GABRA2: variants seen among roughly 807,000 people sequenced by gnomAD.
GABRA2 encodes gamma-aminobutyric acid type A receptor subunit alpha2.
GABRA2 carries 16 observed loss-of-function variants against 48.7 expected under a neutral mutation model. That is an observed-to-expected ratio of 0.33 (90% CI 0.22 to 0.50). The LOEUF is 0.50. GABRA2 is among the 20% of genes least tolerant of loss of function. The probability of loss-of-function intolerance (pLI) is 0.98; values close to 1 mark genes in which losing one functional copy is unlikely to be tolerated. For synonymous variants in GABRA2, 185 were observed against 184.5 expected, an observed-to-expected ratio of 1.00 and a Z score of -0.02; for missense variants, 275 against 535.6, an observed-to-expected ratio of 0.51 and a Z score of 4.80.
chr4:46,266,692 T>G (rs1718304134), intron 8 of GABRA2, among the ~76,000 whole-genome samples: 2 of 151,318 alleles, frequency 1.3e-5, no homozygotes, highest in South Asian at 4.1e-4. Flanking sequence ...TTGAAAGGTT[T>G]TAGCCACCAT....
intron 3 of GABRA2, among the ~76,000 whole-genome samples, chr4:46,342,918 C>T (rs1240150993): frequency 6.6e-6 from 1 of 151,990 alleles, no homozygotes; most frequent in Non-Finnish European, 1.5e-5. Flanking sequence ...CCACCTTGGC[C>T]TCCAAAAGTG....
intron 8 of GABRA2, among the ~76,000 whole-genome samples, chr4:46,301,502 T>C (rs1725728303): frequency 6.6e-6 from 1 of 152,176 alleles, no homozygotes; most frequent in Non-Finnish European, 1.5e-5. Context: ...CTATTTTCTA[T>C]CTATGTCTCC....
At chr4:46,373,464 G>T (rs1174919580) in intron 3 of GABRA2, among the ~76,000 whole-genome samples, 1 of 152,050 alleles carries the variant, frequency 6.6e-6, no homozygotes, top group Non-Finnish European at 1.5e-5. Context: ...CTGTTATTCT[G>T]ATGTATGTAC....
At chr4:46,297,977 T>C (rs1725060030) in intron 8 of GABRA2, among the ~76,000 whole-genome samples, 1 of 152,140 alleles carries the variant, frequency 6.6e-6, no homozygotes, top group African/African-American at 2.4e-5. Context: ...TCCCATGTGA[T>C]TTATTATTTA....
At chr4:46,368,874 C>A in intron 3 of GABRA2, 1 of 533,660 alleles carries the variant, frequency 1.9e-6, no homozygotes, top group East Asian at 2.9e-5. Flanking sequence ...AATGTGCTCT[C>A]CAGTTCTTCA....
In GABRA2 at chr4:46,323,870, T is replaced by C. The variant is rs929681506; in HGVS notation, c.255+8745A>G. ...GCTTTGACTAAATCAAATATCTCCA[T>C]TTGGCAAAGGAGGAGGTAAGCATAA... On this transcript the variant is annotated intron_variant, in intron 4 of 9. Transcript: ENST00000381620. Among the ~76,000 whole-genome samples, 5 of 151,922 alleles carry C rather than the reference T, an allele frequency of 3.3e-5. No homozygotes were observed. In the East Asian group the frequency reaches 9.7e-4, roughly 30 times the overall value.
intron 4 of GABRA2, among the ~76,000 whole-genome samples, chr4:46,314,947 A>T (rs1256128174): frequency 1.3e-5 from 2 of 152,096 alleles, no homozygotes; most frequent in East Asian, 3.9e-4. Flanking sequence ...TGCAATGAAC[A>T]TATGCATGCA....
chr4:46,332,298 G>A (rs1254212255), intron 4 of GABRA2, among the ~76,000 whole-genome samples: 1 of 152,090 alleles, frequency 6.6e-6, no homozygotes, highest in Non-Finnish European at 1.5e-5. Context: ...CCTTATGGAA[G>A]TCCAGAATTC....
intron 6 of GABRA2, 46 bp downstream of exon 6, chr4:46,310,127 C>A: frequency 7.1e-7 from 1 of 1,404,360 alleles, no homozygotes; most frequent in Non-Finnish European, 1.0e-6. Flanking sequence ...GCTGACTTTC[C>A]CTGATATTAT....
Position 46,248,714 on chromosome 4 carries a change from A to G in GABRA2, c.*1594T>C, listed in dbSNP as rs1166235129. On this transcript the variant is annotated 3_prime_UTR_variant, in exon 10 of 10. Coordinates refer to ENST00000381620, the MANE Select transcript of GABRA2 (RefSeq NM_000807.4). ...TTTTATTGATTTTATGAACATACCT[A>G]TTTATGCACTATACTCAAATACTGT... 1 of 151,480 alleles carries G rather than the reference A, an allele frequency of 6.6e-6. No individual in the cohort carries two copies. The highest frequency in any genetic ancestry group is 1.5e-5 in the Non-Finnish European group (1 of 67,660). The allele number at this position is 151,480 out of a possible 1,614,324, so 9.4% of individuals were successfully genotyped here. A position where few individuals can be genotyped will look rare whatever the true frequency, so the allele number is the denominator to read the frequency against.
intron 2 of GABRA2, among the ~76,000 whole-genome samples, chr4:46,386,432 C>T (rs914665770): frequency 3.9e-5 from 6 of 151,996 alleles, no homozygotes; most frequent in African/African-American, 1.2e-4. Context: ...GAGATTCTTG[C>T]CCCTTTAACA....
At chr4:46,284,803 T>C (rs576691005) in intron 8 of GABRA2, among the ~76,000 whole-genome samples, 1 of 152,046 alleles carries the variant, frequency 6.6e-6, no homozygotes, top group East Asian at 1.9e-4. Context: ...AAAAAATTCA[T>C]TAAAATTAAT....
rs1715799129 is a variant in GABRA2, at chr4:46,256,236, A to C, written c.1060-5632T>G. The C allele has an allele frequency of 2.9e-6, 2 of 693,870 alleles. No homozygotes were observed. The highest frequency in any genetic ancestry group is 1.8e-5 in the African/African-American group (1 of 56,696). The allele number at this position is 693,870 out of a possible 1,614,324, so 43.0% of individuals were successfully genotyped here. A position where few individuals can be genotyped will look rare whatever the true frequency, so the allele number is the denominator to read the frequency against. On this transcript the variant is annotated intron_variant, in intron 9 of 9. Transcript: ENST00000381620. ...GTTAAACAGTCCATCCACTTCTCTA[A>C]GTACTCTAAAGTCTTTTCTTGGAAT...
Position 46,389,863 on chromosome 4 carries a change from C to T in GABRA2, c.-139G>A. ...AGAGAGAGAGAGAGAGAGAGAGAGA[C>T]CGAGACTGCAGCAGCCAAGAGAGCG... On this transcript the variant is annotated 5_prime_UTR_variant, in exon 1 of 10. Transcript: ENST00000381620. 1.3e-6 allele frequency: 1 copy of T among 767,110 alleles called. No individual in the cohort carries two copies. The highest frequency in any genetic ancestry group is 1.5e-6 in the Non-Finnish European group (1 of 682,868). The allele number at this position is 767,110 out of a possible 1,614,324, so 47.5% of individuals were successfully genotyped here.
chr4:46,338,746 G>GT (rs1171413655), intron 3 of GABRA2, among the ~76,000 whole-genome samples: 2 of 151,534 alleles, frequency 1.3e-5, no homozygotes, highest in Admixed American at 1.3e-4. Context: ...ATCCATAGAT[G>GT]TTTTTTCTTG....
intron 4 of GABRA2, among the ~76,000 whole-genome samples, chr4:46,318,368 A>C (rs993596553): frequency 6.6e-6 from 1 of 151,364 alleles, no homozygotes; most frequent in Non-Finnish European, 1.5e-5. Flanking sequence ...ATAGCTGACT[A>C]ACCAGTTTTT....
At chr4:46,314,503 C>G (rs1334134890) in intron 4 of GABRA2, among the ~76,000 whole-genome samples, 2 of 151,910 alleles carry the variant, frequency 1.3e-5, no homozygotes, top group African/African-American at 2.4e-5. Flanking sequence ...ATAACTTCAA[C>G]TTTTATTTTA....
At chr4:46,258,845 T>G (rs2109338165) in intron 9 of GABRA2, among the ~76,000 whole-genome samples, 1 of 151,942 alleles carries the variant, frequency 6.6e-6, no homozygotes, top group Middle Eastern at 3.4e-3. Context: ...ATGGAGGTTA[T>G]TAGCGCTCTT....
At chr4:46,303,657 T>G (rs1468521429) in intron 7 of GABRA2, 45 bp from the exon 8 acceptor site, 2 of 1,558,066 alleles carry the variant, frequency 1.3e-6, no homozygotes, top group Admixed American at 3.5e-5. Context: ...AGTCAATACT[T>G]TGAACATTTA....
Sources: gnomAD v4.1 joint callset for allele counts (sites outside exome capture counted in the v4.1 genomes callset) on GRCh38, gnomAD v4.1.1 for gene constraint, MANE v1.5 for transcripts, NCBI Gene and HGNC (gene_info 2026-07-23, HGNC 2026-07-21) for gene names.